The following UBE2E2 variants were observed in gnomAD, a reference collection of about 807,000 sequenced individuals.
The protein encoded by UBE2E2 is ubiquitin-conjugating enzyme E2 E2.
UBE2E2 carries 6 observed loss-of-function variants against 24.7 expected under a neutral mutation model. The ratio of observed to expected loss-of-function variants is 0.24; its 90% confidence interval spans 0.13 to 0.48. The LOEUF (loss-of-function observed/expected upper bound fraction) is 0.48. Among genes scored for constraint, UBE2E2 ranks in the 20% least tolerant of loss-of-function variants. The pLI, the probability that UBE2E2 is intolerant of heterozygous loss-of-function variation, is 0.99. For synonymous variants in UBE2E2, 104 were observed against 83.6 expected, an observed-to-expected ratio of 1.24 and a Z score of -1.33; for missense variants, 169 against 245.0, an observed-to-expected ratio of 0.69 and a Z score of 2.07.
rs1211876174 is a variant in UBE2E2, at chr3:23,266,171, G to A, written c.227+48859G>A. ...CTTTAAAGTTAATATTGTTATGTGTGAATTTGATCCTGTCATTATGATGTT... is the reference window on the plus strand; with the variant it reads ...CTTTAAAGTTAATATTGTTATGTGTAAATTTGATCCTGTCATTATGATGTT... On this transcript the variant is annotated intron_variant, in intron 3 of 5. Transcript: ENST00000396703. Among the ~76,000 whole-genome samples, 5 of 152,272 alleles carry A rather than the reference G, an allele frequency of 3.3e-5. No homozygotes were observed. In the South Asian group the frequency reaches 8.3e-4, roughly 25 times the overall value.
intron 3 of UBE2E2, among the ~76,000 whole-genome samples, chr3:23,285,619 T>C (rs1423932998): frequency 6.6e-6 from 1 of 152,206 alleles, no homozygotes. Context: ...ATTTTGCTGA[T>C]ATTCAGTGAT....
intron 3 of UBE2E2, among the ~76,000 whole-genome samples, chr3:23,346,646 A>T (rs1480905610): frequency 6.6e-6 from 1 of 152,208 alleles, no homozygotes; most frequent in East Asian, 1.9e-4. Flanking sequence ...AATGTACTTA[A>T]TGTTACTTTC....
chr3:23,245,571 T>C (rs1307660990), intron 3 of UBE2E2, among the ~76,000 whole-genome samples: 2 of 152,198 alleles, frequency 1.3e-5, no homozygotes, highest in East Asian at 3.8e-4. Context: ...CTAAACTTAA[T>C]AAAATATCAC....
At chr3:23,350,435 T>A (rs949445045) in intron 3 of UBE2E2, among the ~76,000 whole-genome samples, 1 of 152,008 alleles carries the variant, frequency 6.6e-6, no homozygotes, top group African/African-American at 2.4e-5. Context: ...ATCAAACTAC[T>A]CCGAGCTACA....
At chr3:23,468,986 C>T (rs1698978733) in intron 3 of UBE2E2, among the ~76,000 whole-genome samples, 1 of 152,126 alleles carries the variant, frequency 6.6e-6, no homozygotes, top group Non-Finnish European at 1.5e-5. Context: ...CTTTAGTTAG[C>T]CAATCACTGA....
intron 3 of UBE2E2, among the ~76,000 whole-genome samples, chr3:23,403,380 G>A (rs1697277270): frequency 6.6e-6 from 1 of 152,116 alleles, no homozygotes. Flanking sequence ...TTTGTAAATT[G>A]CCTACGTCAA....
At chr3:23,235,770 G>A (rs142083807) in intron 3 of UBE2E2, among the ~76,000 whole-genome samples, 1 of 152,234 alleles carries the variant, frequency 6.6e-6, no homozygotes, top group East Asian at 1.9e-4. Flanking sequence ...GAGTCTGTTG[G>A]GGAAATGGTG....
At chr3:23,534,778 T>A (rs968876583) in intron 5 of UBE2E2, among the ~76,000 whole-genome samples, 6 of 152,214 alleles carry the variant, frequency 3.9e-5, no homozygotes, top group African/African-American at 1.2e-4. Flanking sequence ...ATCTTAAATC[T>A]ATCTTCAAAT....
At chr3:23,297,694 G>A (rs1293454743) in intron 3 of UBE2E2, among the ~76,000 whole-genome samples, 3 of 152,078 alleles carry the variant, frequency 2.0e-5, no homozygotes, top group Admixed American at 6.5e-5. Flanking sequence ...CTGTAGCCTT[G>A]TAGTATAGTT....
At chr3:23,262,364 A>C (rs948071890) in intron 3 of UBE2E2, among the ~76,000 whole-genome samples, 1 of 152,042 alleles carries the variant, frequency 6.6e-6, no homozygotes, top group Admixed American at 6.5e-5. Flanking sequence ...CATTGCAGCC[A>C]ACTCCTGGGC....
chr3:23,378,351 G>T (rs1302893723), intron 3 of UBE2E2, among the ~76,000 whole-genome samples: 1 of 151,380 alleles, frequency 6.6e-6, no homozygotes, highest in Non-Finnish European at 1.5e-5. Flanking sequence ...AAATTTAAAG[G>T]TACATATGTG....
chr3:23,430,150 C>A (rs1047129715), intron 3 of UBE2E2, among the ~76,000 whole-genome samples: 4 of 151,368 alleles, frequency 2.6e-5, no homozygotes, highest in African/African-American at 9.8e-5. Flanking sequence ...AGCAGTCTGT[C>A]TAGTGCTTAA....
At chr3:23,393,780 T>C (rs1353801804) in intron 3 of UBE2E2, among the ~76,000 whole-genome samples, 1 of 152,136 alleles carries the variant, frequency 6.6e-6, no homozygotes, top group Non-Finnish European at 1.5e-5. Context: ...TTTTTAATGG[T>C]TAAAAAAATC....
intron 3 of UBE2E2, among the ~76,000 whole-genome samples, chr3:23,470,743 G>T (rs1699017440): frequency 6.6e-6 from 1 of 152,112 alleles, no homozygotes; most frequent in East Asian, 1.9e-4. Context: ...TAATAGAAAT[G>T]TAAAGGAATT....
chr3:23,373,406 C>CTCCA (rs1696443102), intron 3 of UBE2E2, among the ~76,000 whole-genome samples: 1 of 152,190 alleles, frequency 6.6e-6, no homozygotes. Context: ...CTTTGTACAG[C>CTCCA]TCCAGCACAC....
At chr3:23,423,999 G>GA (rs1697864559) in intron 3 of UBE2E2, among the ~76,000 whole-genome samples, 1 of 152,142 alleles carries the variant, frequency 6.6e-6, no homozygotes, top group Non-Finnish European at 1.5e-5. Context: ...CTTGAGTAAT[G>GA]AAAGGACATT....
chr3:23,463,252 CA>C (rs1226801500), intron 3 of UBE2E2, among the ~76,000 whole-genome samples: 2 of 151,826 alleles, frequency 1.3e-5, no homozygotes, highest in Admixed American at 1.3e-4. Flanking sequence ...ATAACTAAAC[CA>C]AACAACAATA....
At chr3:23,203,146 C>G, upstream of UBE2E2, 7 of 984,810 alleles carry the variant, frequency 7.1e-6, no homozygotes, top group South Asian at 4.6e-5. Flanking sequence ...CGGCGGCTCC[C>G]GGAGGTGGTG....
At chr3:23,249,166 G>T (rs1697502826) in intron 3 of UBE2E2, among the ~76,000 whole-genome samples, 1 of 151,950 alleles carries the variant, frequency 6.6e-6, no homozygotes. Flanking sequence ...AGCTACTTGG[G>T]AGGTTGAGGT....
Sources: allele counts gnomAD v4.1 joint callset (sites outside exome capture counted in the v4.1 genomes callset), GRCh38; gene constraint gnomAD v4.1.1; transcripts MANE v1.5; gene names NCBI Gene and HGNC (gene_info 2026-07-23, HGNC 2026-07-21).